CNTNAP2: variants seen among roughly 807,000 people sequenced by gnomAD.
CNTNAP2 encodes the protein contactin-associated protein-like 2.
In CNTNAP2, 98 loss-of-function variants were observed where a neutral mutation model predicts 155.2. The ratio of observed to expected loss-of-function variants is 0.63; its 90% CI spans 0.54 to 0.75. The LOEUF (loss-of-function observed/expected upper bound fraction) is 0.75. Among genes scored for constraint, CNTNAP2 ranks in the 30% least tolerant of loss-of-function variants. The pLI, the probability that CNTNAP2 is intolerant of heterozygous loss-of-function variation, is 0.00. For synonymous variants in CNTNAP2, 651 were observed against 631.2 expected, an observed-to-expected ratio of 1.03 and a Z score of -0.47; for missense variants, 1,727 against 1,688.1, an observed-to-expected ratio of 1.02 and a Z score of -0.40.
intron 1 of CNTNAP2, among the ~76,000 whole-genome samples, chr7:146,634,656 A>G (rs982100494): frequency 5.9e-5 from 9 of 152,194 alleles, no homozygotes; most frequent in African/African-American, 2.2e-4. Flanking sequence ...TGAATATTAA[A>G]ATGCAACCAG....
chr7:146,298,357 G>A (rs73459987), intron 1 of CNTNAP2, among the ~76,000 whole-genome samples: 3,336 of 152,246 alleles, frequency 0.022, 146 homozygotes, highest in African/African-American at 0.076. Flanking sequence ...AAAAAAGAAT[G>A]TACAGCAGCT....
At chr7:148,115,012 A>G (rs1057119880) in intron 15 of CNTNAP2, among the ~76,000 whole-genome samples, 2 of 152,194 alleles carry the variant, frequency 1.3e-5, no homozygotes, top group African/African-American at 4.8e-5. Context: ...GAGATAACTC[A>G]CAATTGACAA....
At chr7:147,404,243 A>G (rs2116473783) in intron 10 of CNTNAP2, among the ~76,000 whole-genome samples, 1 of 152,326 alleles carries the variant, frequency 6.6e-6, no homozygotes, top group South Asian at 2.1e-4. Context: ...CCATCAAACT[A>G]CAAATAATCA....
intron 8 of CNTNAP2, among the ~76,000 whole-genome samples, chr7:147,192,279 C>T (rs1476542715): frequency 6.6e-6 from 1 of 152,018 alleles, no homozygotes; most frequent in Non-Finnish European, 1.5e-5. Context: ...TTTCCCTGGT[C>T]CGTTCCTCCA....
chr7:146,253,411 A>G lies in CNTNAP2; in HGVS notation c.97+136438A>G, dbSNP rs148477244. ...CTGCATTTGCTTGCAGTCTCCACAC[A>G]CTGCAGCGATCACATACACCTGCAC... On this transcript the variant is annotated intron_variant, in intron 1 of 23. Transcript: ENST00000361727. Among the ~76,000 whole-genome samples the G allele has an allele frequency of 7.4e-3, 1,135 of 152,352 alleles. 9 individuals carry two copies. The highest frequency in any genetic ancestry group is 0.011 in the Non-Finnish European group (739 of 68,028).
intron 12 of CNTNAP2, among the ~76,000 whole-genome samples, chr7:147,625,689 G>T (rs1300459845): frequency 2.0e-5 from 3 of 152,156 alleles, no homozygotes; most frequent in Non-Finnish European, 4.4e-5. Flanking sequence ...TGAACTGTGT[G>T]TGGAGACTCA....
At chr7:147,476,985 T>C (rs1394347123) in intron 10 of CNTNAP2, among the ~76,000 whole-genome samples, 1 of 151,170 alleles carries the variant, frequency 6.6e-6, no homozygotes, top group Non-Finnish European at 1.5e-5. Flanking sequence ...AATGTATCTA[T>C]GGACGTGAAG....
Position 146,945,595 on chromosome 7 carries a change from G to A in CNTNAP2, c.403-98312G>A, listed in dbSNP as rs10252329. On this transcript the variant is annotated intron_variant, in intron 3 of 23. Transcript: ENST00000361727. ...ATTGTTCTTTCCCCAGGCTTGGTCGGCGAATCACTTAATCCACTCATCCCT... is the reference window on the plus strand; with the variant it reads ...ATTGTTCTTTCCCCAGGCTTGGTCGACGAATCACTTAATCCACTCATCCCT... Among the ~76,000 whole-genome samples the A allele has an allele frequency of 1.8e-3, 268 of 152,120 alleles. 4 individuals carry two copies. The highest frequency in any genetic ancestry group is 6.1e-3 in the African/African-American group (253 of 41,484).
chr7:148,250,468 A>G (rs1269111937), intron 20 of CNTNAP2, among the ~76,000 whole-genome samples: 1 of 152,190 alleles, frequency 6.6e-6, no homozygotes, highest in Admixed American at 6.5e-5. Flanking sequence ...TGGGCACTTG[A>G]CAAACGTTTC....
At chr7:146,777,207 T>C (rs540614570) in intron 2 of CNTNAP2, among the ~76,000 whole-genome samples, 2 of 152,346 alleles carry the variant, frequency 1.3e-5, no homozygotes, top group Admixed American at 1.3e-4. Context: ...GATATAGATC[T>C]ACACTTCATT....
chr7:146,575,236 C>A (rs1798506043), intron 1 of CNTNAP2, among the ~76,000 whole-genome samples: 1 of 152,142 alleles, frequency 6.6e-6, no homozygotes, highest in Non-Finnish European at 1.5e-5. Flanking sequence ...CCTGCCTCAG[C>A]CTCCTGAGTA....
chr7:147,344,051 A>C (rs1402825167), intron 9 of CNTNAP2, among the ~76,000 whole-genome samples: 1 of 151,294 alleles, frequency 6.6e-6, no homozygotes, highest in East Asian at 2.0e-4. Flanking sequence ...TGATTTGCTG[A>C]GGCTAAGGGA....
intron 14 of CNTNAP2, among the ~76,000 whole-genome samples, chr7:147,930,593 G>T (rs1800483123): frequency 6.6e-6 from 1 of 152,106 alleles, no homozygotes; most frequent in African/African-American, 2.4e-5. Flanking sequence ...AACACTGATG[G>T]AACTGAAGAA....
intron 20 of CNTNAP2, among the ~76,000 whole-genome samples, chr7:148,266,161 G>A (rs10247343): frequency 0.084 from 12,775 of 152,128 alleles, 833 homozygotes; most frequent in African/African-American, 0.18. Flanking sequence ...CTTATAACCC[G>A]CACCTCTCGT....
chr7:147,445,208 CA>C (rs1173654194), intron 10 of CNTNAP2, among the ~76,000 whole-genome samples: 1 of 152,228 alleles, frequency 6.6e-6, no homozygotes, highest in Non-Finnish European at 1.5e-5. Flanking sequence ...TCAGCAGGGA[CA>C]GGTGCCCTCC....
intron 14 of CNTNAP2, among the ~76,000 whole-genome samples, chr7:147,922,864 C>T (rs1269066549): frequency 2.6e-5 from 4 of 152,144 alleles, no homozygotes; most frequent in African/African-American, 9.7e-5. Flanking sequence ...TCATTTATTT[C>T]AAGCTCAATA....
chr7:148,117,764 C>T (rs1804507364), intron 15 of CNTNAP2, among the ~76,000 whole-genome samples: 2 of 151,766 alleles, frequency 1.3e-5, no homozygotes, highest in Admixed American at 1.3e-4. Flanking sequence ...GGAACCCCAA[C>T]TATATCAATC....
intron 3 of CNTNAP2, among the ~76,000 whole-genome samples, chr7:146,920,132 G>A (rs114722479): frequency 0.018 from 2,770 of 152,232 alleles, 74 homozygotes; most frequent in African/African-American, 0.062. Context: ...GTGAAATACT[G>A]GCCAGGCGTG....
intron 11 of CNTNAP2, among the ~76,000 whole-genome samples, chr7:147,493,606 G>A (rs1268471111): frequency 6.6e-6 from 1 of 152,162 alleles, no homozygotes; most frequent in African/African-American, 2.4e-5. Flanking sequence ...CTCCAAAAAT[G>A]TGTATAGTTT....
Sources: gnomAD v4.1 joint callset for allele counts (sites outside exome capture counted in the v4.1 genomes callset) on GRCh38, gnomAD v4.1.1 for gene constraint, MANE v1.5 for transcripts, NCBI Gene and HGNC (gene_info 2026-07-23, HGNC 2026-07-21) for gene names.